Variants in FNDC8 observed in about 807,000 individuals in gnomAD.
The protein encoded by FNDC8 is fibronectin type III domain containing 8.
Under a neutral mutation model 24.8 loss-of-function variants are expected in FNDC8, and 23 were observed. The observed-to-expected ratio is 0.93, with a 90% CI of 0.67 to 1.31. The LOEUF (loss-of-function observed/expected upper bound fraction) is 1.31, where lower values mean the gene tolerates loss of function less well. FNDC8 is among the 40% of genes most tolerant of loss of function. FNDC8 has a pLI of 0.00. For missense variants in FNDC8, 371 were observed against 398.2 expected (o/e 0.93, Z 0.58); for synonymous variants, 158 against 165.3 (o/e 0.96, Z 0.34).
chr17:35,126,498 T>A (rs9903169), intron 1 of FNDC8, among the ~76,000 whole-genome samples: 62,105 of 101,444 alleles, frequency 0.61, 16,323 homozygotes, highest in East Asian at 0.78. Flanking sequence ...TTTTCTAAGC[T>A]TTTTTTTTTT....
intron 1 of FNDC8, among the ~76,000 whole-genome samples, chr17:35,125,349 G>A (rs1054651302): frequency 3.3e-5 from 5 of 150,560 alleles, no homozygotes; most frequent in African/African-American, 1.3e-4. Flanking sequence ...GGAGGTGGAC[G>A]GATGGCTTGA....
chr17:35,130,635 G>A lies in FNDC8; in HGVS notation c.*201G>A. ...CTGGAGGCATCTCAGGCCAGGCCAT[G>A]CCAGGCTCAGCCACTGCCCACAGCT... On this transcript the variant is annotated 3_prime_UTR_variant, in exon 4 of 4. Transcript: ENST00000158009. 1 of 574,938 alleles carries A rather than the reference G, an allele frequency of 1.7e-6. No individual in the cohort carries two copies. The highest frequency in any genetic ancestry group is 3.1e-6 in the Non-Finnish European group (1 of 326,904). 35.6% of individuals were successfully genotyped at this position (574,938 alleles called of 1,614,324 possible).
At chr17:35,130,007 G>C in intron 3 of FNDC8, 1 of 1,385,126 alleles carries the variant, frequency 7.2e-7, no homozygotes. Context: ...AGGCTAAAGG[G>C]GGACGAAGAA....
rs1393342821 is a variant in FNDC8 at position 35,130,720 on chromosome 17, A to G, written c.*286A>G. 5.2e-6 allele frequency: 2 copies of G among 385,356 alleles called. No individual in the cohort carries two copies. Among genetic ancestry groups the G allele is most frequent in the Non-Finnish European group, 9.5e-6 (2 of 210,862 alleles). 23.9% of individuals were successfully genotyped at this position (385,356 alleles called of 1,614,324 possible). ...TCTAGGTCCCTCATTAAAGAACTGCAGGTCATCCAGCACCCTAAAGTCTGC... is the reference window on the plus strand; with the variant it reads ...TCTAGGTCCCTCATTAAAGAACTGCGGGTCATCCAGCACCCTAAAGTCTGC... On this transcript the variant is annotated 3_prime_UTR_variant, in exon 4 of 4. Coordinates refer to ENST00000158009, the MANE Select transcript of FNDC8 (RefSeq NM_017559.4).
chr17:35,123,771 A>G (rs182264702), intron 1 of FNDC8, among the ~76,000 whole-genome samples: 333 of 151,852 alleles, frequency 2.2e-3, no homozygotes, highest in Non-Finnish European at 3.0e-3. Flanking sequence ...AAAAAAAAAA[A>G]CAGATCAGGG....
chr17:35,128,483 C>T (rs1426167171), intron 2 of FNDC8, among the ~76,000 whole-genome samples: 1 of 152,200 alleles, frequency 6.6e-6, no homozygotes, highest in Non-Finnish European at 1.5e-5. Flanking sequence ...GATGCTTAGC[C>T]AGGCTTGGCA....
chr17:35,129,453 C>T lies in FNDC8; in HGVS notation c.617C>T (p.Pro206Leu), dbSNP rs763875714. The T allele has an allele frequency of 9.9e-6, 16 of 1,613,914 alleles. No homozygotes were observed. Among genetic ancestry groups the T allele is most frequent in the Admixed American group, 3.3e-5 (2 of 60,006 alleles). The part of the protein sequence containing the change: ...ISWTYALGKQ[P>L]VSFYQLLLQE... ...TGGACCTACGCCTTGGGCAAGCAGC[C>T]GGTCAGTTTCTACCAGCTCCTGTTA... The change falls in exon 3 of 4, where the codon CCG (proline) becomes CTG (leucine). Residue 206 changes from proline (P) to leucine (L), a missense_variant. Coordinates refer to ENST00000158009, the MANE Select transcript of FNDC8 (RefSeq NM_017559.4).
At chr17:35,129,141 C>G in intron 2 of FNDC8, 1 of 373,082 alleles carries the variant, frequency 2.7e-6, no homozygotes, top group Non-Finnish European at 5.0e-6. Flanking sequence ...CCATGGACTG[C>G]TATCAGTTGG....
chr17:35,130,002 A>G, intron 3 of FNDC8: 3 of 1,381,406 alleles, frequency 2.2e-6, no homozygotes, highest in Non-Finnish European at 2.8e-6. Context: ...ACAAGAGGCT[A>G]AAGGGGGACG....
Position 35,130,261 on chromosome 17 carries a change from G to A in FNDC8, c.823-21G>A, listed in dbSNP as rs1431930302. 3.7e-6 allele frequency: 6 copies of A among 1,611,636 alleles called. No homozygotes were observed. In the East Asian group the frequency reaches 1.3e-4, roughly 36 times the overall value. ...TCAGATCTGGGAAGGAACTCTGAAG[G>A]GTTTTCTTGTTTCACTTCAGTTTGC... On this transcript the variant is annotated intron_variant, in intron 3 of 3. Coordinates refer to ENST00000158009, the MANE Select transcript of FNDC8 (RefSeq NM_017559.4).
rs767891515 is a variant in FNDC8, at chr17:35,129,527, C to T, written c.691C>T (p.Arg231Cys). ...GAATGAGTTGCCCGAGGCAAAGAATCGTCCATGGATCTTCAACAAGATTTT... is the reference window on the plus strand; with the variant it reads ...GAATGAGTTGCCCGAGGCAAAGAATTGTCCATGGATCTTCAACAAGATTTT... Reference protein sequence around the residue: ...QENELPEAKNRPWIFNKILGT... With the variant: ...QENELPEAKNCPWIFNKILGT... The change falls in exon 3 of 4, where the codon CGT (arginine) becomes TGT (cysteine). Residue 231 changes from arginine (R) to cysteine (C), a missense_variant. Coordinates refer to ENST00000158009, the MANE Select transcript of FNDC8 (RefSeq NM_017559.4). The T allele has an allele frequency of 2.2e-5, 35 of 1,614,060 alleles. No individual in the cohort carries two copies. Among genetic ancestry groups the T allele is most frequent in the African/African-American group, 5.3e-5 (4 of 74,924 alleles).
chr17:35,129,738 A>G (rs976176452), intron 3 of FNDC8, 80 bp downstream of exon 3: 3 of 1,539,340 alleles, frequency 1.9e-6, no homozygotes, highest in South Asian at 2.4e-5. Flanking sequence ...GGTTGGGAAC[A>G]CCCCTATGCC....
rs750960062 is a variant in FNDC8 at position 35,129,457 on chromosome 17, C to T, written c.621C>T (p.Val207=). 2 of 1,613,988 alleles carry T rather than the reference C, an allele frequency of 1.2e-6. No individual in the cohort carries two copies. Among genetic ancestry groups the T allele is most frequent in the Non-Finnish European group, 1.7e-6 (2 of 1,179,992 alleles). The change falls in exon 3 of 4, where the codon GTC becomes GTT. Residue 207 remains valine (V), a synonymous_variant. Coordinates refer to ENST00000158009, the MANE Select transcript of FNDC8 (RefSeq NM_017559.4). ...CCTACGCCTTGGGCAAGCAGCCGGT[C>T]AGTTTCTACCAGCTCCTGTTACAGG... ...SWTYALGKQP[V]SFYQLLLQEV...
intron 1 of FNDC8, among the ~76,000 whole-genome samples, chr17:35,126,048 G>A (rs1274892830): frequency 6.6e-6 from 1 of 152,094 alleles, no homozygotes; most frequent in Non-Finnish European, 1.5e-5. Flanking sequence ...AGCCTTCCAA[G>A]TAGCTGGAAT....
intron 3 of FNDC8, chr17:35,129,927 T>G: frequency 1.4e-6 from 2 of 1,382,568 alleles, no homozygotes. Context: ...TTTTAGACTC[T>G]GCAATTCAGT....
intron 2 of FNDC8, 47 bp downstream of exon 2, chr17:35,127,464 G>C: frequency 6.7e-7 from 1 of 1,500,736 alleles, no homozygotes; most frequent in Non-Finnish European, 8.9e-7. Context: ...ATTGTGCCAG[G>C]CACTGAGCTG....
chr17:35,122,766 A>G (rs1482596212), intron 1 of FNDC8, among the ~76,000 whole-genome samples: 2 of 152,156 alleles, frequency 1.3e-5, no homozygotes, highest in South Asian at 2.1e-4. Flanking sequence ...GAGCACCTGC[A>G]AGGTGTCTGT....
chr17:35,129,316 A>G, intron 2 of FNDC8, 106 bp from the exon 3 acceptor site: 1 of 1,405,616 alleles, frequency 7.1e-7, no homozygotes, highest in Non-Finnish European at 9.8e-7. Context: ...GGGCCCCAGC[A>G]GGAGCAGGGG....
rs758774460 is a variant in FNDC8 at position 35,127,305 on chromosome 17, A to G, written c.473A>G (p.Asn158Ser). The G allele has an allele frequency of 1.9e-6, 3 of 1,613,848 alleles. No individual in the cohort carries two copies. Among genetic ancestry groups the G allele is most frequent in the Admixed American group, 3.3e-5 (2 of 59,982 alleles). The change falls in exon 2 of 4, where the codon AAC (asparagine) becomes AGC (serine). Residue 158 changes from asparagine (N) to serine (S), a missense_variant. By Grantham distance (46) the Asn-to-Ser change is conservative (BLOSUM62 1). Transcript: ENST00000158009. ...MATRGLLDLD[N>S]PELETETSST... is the part of the protein sequence containing the mutation. Reference sequence around the variant, plus strand: ...ACAAGGGGCCTGCTGGACCTTGACAACCCTGAGCTGGAGACAGAAACCTCC... The same window carrying G: ...ACAAGGGGCCTGCTGGACCTTGACAGCCCTGAGCTGGAGACAGAAACCTCC...
Sources: gnomAD v4.1 joint callset for allele counts (sites outside exome capture counted in the v4.1 genomes callset) on GRCh38, gnomAD v4.1.1 for gene constraint, MANE v1.5 for transcripts, NCBI Gene and HGNC (gene_info 2026-07-23, HGNC 2026-07-21) for gene names.